The following FGD5 variants were observed in gnomAD, a reference collection of about 807,000 sequenced individuals.
The protein encoded by FGD5 is FYVE, RhoGEF and PH domain-containing protein 5.
Under a neutral mutation model 133.4 loss-of-function variants are expected in FGD5, and 28 were observed. That is an observed-to-expected ratio of 0.21 (90% confidence interval 0.16 to 0.29). The LOEUF is 0.29. Among genes scored for constraint, FGD5 ranks in the 10% least tolerant of loss-of-function variants. The pLI, the probability that FGD5 is intolerant of heterozygous loss-of-function variation, is 1.00. For missense variants in FGD5, 1,858 were observed against 1,895.2 expected, an observed-to-expected ratio of 0.98 and a Z score of 0.36; for synonymous variants, 810 against 776.5, an observed-to-expected ratio of 1.04 and a Z score of -0.72.
intron 11 of FGD5, among the ~76,000 whole-genome samples, chr3:14,912,194 A>G (rs1041631903): frequency 2.0e-5 from 3 of 151,272 alleles, no homozygotes; most frequent in African/African-American, 7.4e-5. Context: ...GTGCTGGTGG[A>G]GAAATCCTGA....
intron 18 of FGD5, among the ~76,000 whole-genome samples, chr3:14,929,823 T>C (rs1559510664): frequency 6.6e-6 from 1 of 152,216 alleles, no homozygotes; most frequent in Non-Finnish European, 1.5e-5. Flanking sequence ...TTCTAATGAA[T>C]GAATGAATGA....
chr3:14,920,182 G>T (rs1575259296), intron 13 of FGD5, among the ~76,000 whole-genome samples: 1 of 152,234 alleles, frequency 6.6e-6, no homozygotes, highest in South Asian at 2.1e-4. Context: ...CCAGGGACGT[G>T]CATGGCAGGG....
At chr3:14,869,349 G>A (rs897396269) in intron 2 of FGD5, among the ~76,000 whole-genome samples, 5 of 152,114 alleles carry the variant, frequency 3.3e-5, no homozygotes, top group Admixed American at 6.6e-5. Context: ...GGCTATGGTC[G>A]TGAGGAACAG....
chr3:14,915,591 A>G, intron 11 of FGD5, among the ~76,000 whole-genome samples: 1 of 152,058 alleles, frequency 6.6e-6, no homozygotes, highest in Non-Finnish European at 1.5e-5. Flanking sequence ...TGTTGGCACC[A>G]TGTGTTTAGG....
intron 2 of FGD5, among the ~76,000 whole-genome samples, chr3:14,871,475 A>C (rs2037605019): frequency 6.6e-6 from 1 of 152,184 alleles, no homozygotes; most frequent in East Asian, 1.9e-4. Flanking sequence ...TGGGAGTCCA[A>C]CCTGCATTTT....
chr3:14,912,794 T>C (rs767556378), intron 11 of FGD5, among the ~76,000 whole-genome samples: 1 of 152,148 alleles, frequency 6.6e-6, no homozygotes, highest in Non-Finnish European at 1.5e-5. Flanking sequence ...TGCAGCACTT[T>C]GGGAGGCCGA....
chr3:14,852,084 A>G (rs1217298943), intron 1 of FGD5, among the ~76,000 whole-genome samples: 2 of 152,218 alleles, frequency 1.3e-5, no homozygotes, highest in African/African-American at 4.8e-5. Context: ...TGACCCAGCA[A>G]TTCCACTTCT....
intron 1 of FGD5, among the ~76,000 whole-genome samples, chr3:14,829,469 G>A (rs1428290135): frequency 1.3e-5 from 2 of 152,194 alleles, no homozygotes; most frequent in African/African-American, 4.8e-5. Flanking sequence ...ACCTGGGGCT[G>A]TGGCTGCAGC....
intron 4 of FGD5, among the ~76,000 whole-genome samples, chr3:14,895,375 T>G (rs56152721): frequency 0.077 from 11,771 of 152,284 alleles, 607 homozygotes; most frequent in South Asian, 0.19. Flanking sequence ...TTGATTTGGC[T>G]TTTGTGTATA....
At chr3:14,858,202 G>A (rs1395622142) in intron 1 of FGD5, among the ~76,000 whole-genome samples, 1 of 152,186 alleles carries the variant, frequency 6.6e-6, no homozygotes, top group Non-Finnish European at 1.5e-5. Flanking sequence ...ATCCCTCCTT[G>A]TGTTAGCTCC....
intron 1 of FGD5, among the ~76,000 whole-genome samples, chr3:14,860,008 A>G (rs294633): frequency 0.74 from 112,727 of 151,906 alleles, 42,285 homozygotes; most frequent in African/African-American, 0.86. Flanking sequence ...CAAACAATAC[A>G]TCATGGTCAC....
chr3:14,827,442 T>C (rs149935270), intron 1 of FGD5, among the ~76,000 whole-genome samples: 2,295 of 151,958 alleles, frequency 0.015, 69 homozygotes, highest in African/African-American at 0.052. Flanking sequence ...CCACCATGGG[T>C]GGCTAATTTT....
At chr3:14,910,251 G>T (rs568639821) in intron 10 of FGD5, among the ~76,000 whole-genome samples, 1 of 152,158 alleles carries the variant, frequency 6.6e-6, no homozygotes, top group Non-Finnish European at 1.5e-5. Flanking sequence ...ATCCAGTCAA[G>T]TTGATGCCTA....
At chr3:14,854,086 A>T (rs2037223420) in intron 1 of FGD5, among the ~76,000 whole-genome samples, 1 of 151,976 alleles carries the variant, frequency 6.6e-6, no homozygotes, top group Non-Finnish European at 1.5e-5. Context: ...ATTGACTCCC[A>T]CCGTGAACCT....
In FGD5 at chr3:14,821,501, C is replaced by T; in HGVS notation, c.2430C>T (p.Ala810=). 1.2e-6 allele frequency: 2 copies of T among 1,613,996 alleles called. No individual in the cohort carries two copies. The highest frequency in any genetic ancestry group is 1.7e-6 in the Non-Finnish European group (2 of 1,179,910). The change falls in exon 1 of 20, where the codon GCC becomes GCT. Residue 810 remains alanine (A), a synonymous_variant. Transcript: ENST00000285046. ...FTKLFEDQSR[A]LSTANENDGY... ...AGCTGTTTGAAGATCAGAGCAGAGC[C>T]CTGTCCACAGCAAACGAAAATGATG...
intron 1 of FGD5, among the ~76,000 whole-genome samples, chr3:14,832,387 G>A (rs927438803): frequency 2.0e-5 from 3 of 152,036 alleles, no homozygotes; most frequent in Non-Finnish European, 4.4e-5. Flanking sequence ...TCTGTACTTA[G>A]CAGATCAGAA....
rs142008204 is a variant in FGD5 at position 14,898,589 on chromosome 3, G to A, written c.3067-150G>A. 428 of 653,798 alleles carry A rather than the reference G, an allele frequency of 6.5e-4. 4 individuals carry two copies. In the East Asian group the frequency reaches 0.011, roughly 17 times the overall value. 40.5% of individuals were successfully genotyped at this position (653,798 alleles called of 1,614,324 possible). The stretch of plus-strand genomic sequence containing the variant: ...CCGGGCTAATCCAGGAGGGCTTCCC[G>A]CAGGAGGAGAACCTGGTTTTGGAGA... On this transcript the variant is annotated intron_variant, in intron 6 of 19. Transcript: ENST00000285046.
At position 14,922,117 on chromosome 3, in the gene FGD5, C is replaced by G; in HGVS notation, c.3669+100C>G. Reference sequence around the variant, plus strand: ...CACTCACACCCAGATGGACGTGTAGCTCCTGTCTTGGGGCACTGGCTCCCC... The same window carrying G: ...CACTCACACCCAGATGGACGTGTAGGTCCTGTCTTGGGGCACTGGCTCCCC... On this transcript the variant is annotated intron_variant, in intron 14 of 19. Transcript: ENST00000285046. This position sits in a 1 kb window ranked among gnomAD's most constrained non-coding sequence, Gnocchi z 4.1. 1 of 1,288,612 alleles carries G rather than the reference C, an allele frequency of 7.8e-7. No homozygotes were observed. The highest frequency in any genetic ancestry group is 1.1e-6 in the Non-Finnish European group (1 of 917,824). The allele number at this position is 1,288,612 out of a possible 1,614,324, so 79.8% of individuals were successfully genotyped here.
At chr3:14,892,551 C>A (rs887337862) in intron 4 of FGD5, among the ~76,000 whole-genome samples, 1 of 152,166 alleles carries the variant, frequency 6.6e-6, no homozygotes, top group African/African-American at 2.4e-5. Flanking sequence ...GGCGCGGTGG[C>A]TCATGCCTGT....
Sources: gnomAD v4.1 joint callset for allele counts (sites outside exome capture counted in the v4.1 genomes callset) on GRCh38, gnomAD v4.1.1 for gene constraint, Gnocchi (gnomAD v3.1) non-coding constraint, MANE v1.5 for transcripts, NCBI Gene and HGNC (gene_info 2026-07-23, HGNC 2026-07-21) for gene names.